ZC3H12B: variants seen among roughly 807,000 people sequenced by gnomAD.
ZC3H12B encodes zinc finger CCCH-type containing 12B.
ZC3H12B carries 7 observed loss-of-function variants against 43.9 expected under a neutral mutation model. The observed-to-expected ratio is 0.16, with a 90% CI of 0.09 to 0.30. The LOEUF (loss-of-function observed/expected upper bound fraction) is 0.30, where lower values mean the gene tolerates loss of function less well. Ranked by LOEUF, ZC3H12B falls within the 10% of genes least tolerant of loss-of-function variation. ZC3H12B has a pLI of 1.00. For missense variants in ZC3H12B, 475 were observed against 670.2 expected (o/e 0.71, Z 3.22); for synonymous variants, 222 against 241.7 (o/e 0.92, Z 0.76).
At chrX:65,241,853 T>C in the ZC3H12B span, among the ~76,000 whole-genome samples, 2 of 111,424 alleles carry the variant, frequency 1.8e-5, no homozygotes, top group South Asian at 7.5e-4. Flanking sequence ...CTTTTTTCGG[T>C]AGAGTGTACT....
chrX:65,317,562 A>G, the ZC3H12B span, among the ~76,000 whole-genome samples: 1 of 108,782 alleles, frequency 9.2e-6, no homozygotes, highest in Non-Finnish European at 1.9e-5. Flanking sequence ...CTCAAAGTCC[A>G]TTGTATTATT....
At chrX:65,160,718 GATTA>G in the ZC3H12B span, among the ~76,000 whole-genome samples, 15 of 111,425 alleles carry the variant, frequency 1.3e-4, no homozygotes, top group Non-Finnish European at 7.5e-5. Context: ...CCAGTGCCTG[GATTA>G]ATTAATTTTT....
At chrX:65,138,693 G>C in the ZC3H12B span, among the ~76,000 whole-genome samples, 1 of 111,488 alleles carries the variant, frequency 9.0e-6, no homozygotes, top group Admixed American at 9.5e-5. Flanking sequence ...GCATTAATTT[G>C]TTTCTCCCCA....
chrX:65,200,155 T>A, the ZC3H12B span, among the ~76,000 whole-genome samples: 1 of 111,523 alleles, frequency 9.0e-6, no homozygotes, highest in Non-Finnish European at 1.9e-5. Flanking sequence ...CTGACTGGTG[T>A]GAGATGGTAT....
chrX:65,297,690 G>A, the ZC3H12B span, among the ~76,000 whole-genome samples: 4 of 111,035 alleles, frequency 3.6e-5, no homozygotes, highest in South Asian at 1.1e-3. Flanking sequence ...CAAATCCAAA[G>A]CAAGACTAAA....
chrX:65,341,362 C>T, the ZC3H12B span, among the ~76,000 whole-genome samples: 2 of 111,219 alleles, frequency 1.8e-5, no homozygotes, highest in Non-Finnish European at 3.8e-5. Flanking sequence ...GTAGAAAACC[C>T]CAGTAACATA....
chrX:65,443,361 G>A (rs1213572867), intron 3 of ZC3H12B, among the ~76,000 whole-genome samples: 1 of 110,849 alleles, frequency 9.0e-6, no homozygotes, highest in Non-Finnish European at 1.9e-5. Flanking sequence ...AGCTCGGCTG[G>A]GGAGACCCTA....
chrX:65,337,258 T>C, the ZC3H12B span, among the ~76,000 whole-genome samples: 1 of 111,971 alleles, frequency 8.9e-6, no homozygotes, highest in Non-Finnish European at 1.9e-5. Flanking sequence ...CCTTTGGGGT[T>C]CATCAGAAAG....
At chrX:65,071,593 C>A in the ZC3H12B span, among the ~76,000 whole-genome samples, 2 of 111,498 alleles carry the variant, frequency 1.8e-5, no homozygotes, top group Non-Finnish European at 3.8e-5. Context: ...TTGTAATGAT[C>A]TTTCTTTTTG....
intron 3 of ZC3H12B, among the ~76,000 whole-genome samples, chrX:65,426,156 C>G (rs1219229935): frequency 1.9e-5 from 2 of 103,992 alleles, no homozygotes; most frequent in African/African-American, 3.5e-5. Flanking sequence ...TTGGTCTGTT[C>G]TGGGATTCAG....
At chrX:65,113,096 T>C in the ZC3H12B span, among the ~76,000 whole-genome samples, 1 of 111,347 alleles carries the variant, frequency 9.0e-6, no homozygotes, top group Admixed American at 9.6e-5. Flanking sequence ...ATTGAGGGGT[T>C]AAAGGCTTCC....
At chrX:65,151,484 TAA>T in the ZC3H12B span, among the ~76,000 whole-genome samples, 2 of 111,883 alleles carry the variant, frequency 1.8e-5, no homozygotes, top group Non-Finnish European at 3.8e-5. Flanking sequence ...TAGCAAGAAA[TAA>T]GTTTGTTTAA....
chrX:65,387,399 G>C (rs886202765), intron 2 of ZC3H12B, among the ~76,000 whole-genome samples: 2 of 111,576 alleles, frequency 1.8e-5, no homozygotes, highest in Admixed American at 1.9e-4. Context: ...TTATTTAATG[G>C]CCTCTTTGTC....
chrX:65,172,371 T>A, the ZC3H12B span, among the ~76,000 whole-genome samples: 28 of 112,191 alleles, frequency 2.5e-4, no homozygotes, highest in Middle Eastern at 4.6e-3. Flanking sequence ...TTTTCCATTC[T>A]ATATGTTGCC....
intron 2 of ZC3H12B, among the ~76,000 whole-genome samples, chrX:65,392,777 T>C (rs2066642590): frequency 8.8e-6 from 1 of 113,063 alleles, no homozygotes; most frequent in African/African-American, 3.2e-5. Context: ...TGGGCCATGA[T>C]GACGATGGCA....
At chrX:65,487,229 G>A (rs967021974), upstream of ZC3H12B, among the ~76,000 whole-genome samples, 4 of 112,723 alleles carry the variant, frequency 3.5e-5, no homozygotes, top group Non-Finnish European at 5.6e-5. Flanking sequence ...AACCATTAGA[G>A]GTTTTTCTTG....
the ZC3H12B span, among the ~76,000 whole-genome samples, chrX:65,355,159 G>A: frequency 5.4e-5 from 6 of 111,052 alleles, no homozygotes; most frequent in African/African-American, 9.8e-5. Context: ...ACACATGATC[G>A]TCAGATTCAC....
At chrX:65,383,607 T>C (rs1485855933) in intron 2 of ZC3H12B, among the ~76,000 whole-genome samples, 7 of 110,661 alleles carry the variant, frequency 6.3e-5, no homozygotes, top group African/African-American at 2.0e-4. Flanking sequence ...ACAAATGGGA[T>C]CTAATTAAAC....
the ZC3H12B span, among the ~76,000 whole-genome samples, chrX:65,288,004 ATAT>A: frequency 9.2e-6 from 1 of 108,469 alleles, no homozygotes; most frequent in South Asian, 3.9e-4. Flanking sequence ...ATATATATAT[ATAT>A]ATCACCAGAG....
Sources: allele counts gnomAD v4.1 joint callset (sites outside exome capture counted in the v4.1 genomes callset), GRCh38; gene constraint gnomAD v4.1.1; transcripts MANE v1.5; gene names NCBI Gene and HGNC (gene_info 2026-07-23, HGNC 2026-07-21).